Variants in EPHX1 observed in about 807,000 individuals in gnomAD.
The protein encoded by EPHX1 is epoxide hydrolase 1, also known as epoxide hydratase.
Under a neutral mutation model 43.2 loss-of-function variants are expected in EPHX1, and 40 were observed. The ratio of observed to expected loss-of-function variants is 0.93; its 90% confidence interval spans 0.72 to 1.21. The LOEUF (loss-of-function observed/expected upper bound fraction) is 1.21, where lower values mean the gene tolerates loss of function less well. Ranked by LOEUF, EPHX1 falls within the 50% of genes most tolerant of loss-of-function variation. The probability of loss-of-function intolerance (pLI) is 0.00; values close to 1 mark genes in which losing one functional copy is unlikely to be tolerated. For synonymous variants in EPHX1, 221 were observed against 226.7 expected (o/e 0.98, Z 0.22); for missense variants, 550 against 570.4 (o/e 0.96, Z 0.36).
chr1:225,840,097 C>T (rs1052378723), intron 6 of EPHX1, 60 bp downstream of exon 6: 68 of 1,553,768 alleles, frequency 4.4e-5, no homozygotes, highest in East Asian at 1.1e-4. Context: ...GAGACACCCG[C>T]GGGGTAACCT....
intron 5 of EPHX1, 90 bp from the exon 6 acceptor site, chr1:225,839,739 A>G (rs1668234745): frequency 1.4e-6 from 2 of 1,385,094 alleles, no homozygotes; most frequent in Non-Finnish European, 2.1e-6. Context: ...CTCGCTCCTC[A>G]GCCCTGAGGC....
intron 3 of EPHX1, among the ~76,000 whole-genome samples, chr1:225,835,382 C>CCTTTTT (rs1553485501): frequency 6.6e-5 from 6 of 90,974 alleles, no homozygotes; most frequent in African/African-American, 9.5e-5. Context: ...CCACACTAGG[C>CCTTTTT]TTTTTTTTTT....
In EPHX1 at chr1:225,845,546, A is replaced by C; in HGVS notation, c.*199A>C. 6 of 611,780 alleles carry C rather than the reference A, an allele frequency of 9.8e-6. No homozygotes were observed. Among genetic ancestry groups the C allele is most frequent in the Non-Finnish European group, 8.6e-6 (3 of 349,138 alleles). The allele number at this position is 611,780 out of a possible 1,614,324, so 37.9% of individuals were successfully genotyped here. The stretch of plus-strand genomic sequence containing the variant: ...GGTAAGCAACATGGCTTTGATGATA[A>C]ACGACTTTACTCTAAAAGCGGCTGG... On this transcript the variant is annotated 3_prime_UTR_variant, in exon 9 of 9. Coordinates refer to ENST00000272167, the MANE Select transcript of EPHX1 (RefSeq NM_001136018.4).
chr1:225,823,771 C>T (rs1040894468), intron 1 of EPHX1, among the ~76,000 whole-genome samples: 1 of 149,712 alleles, frequency 6.7e-6, no homozygotes, highest in Non-Finnish European at 1.5e-5. Context: ...GTGAGCAGTC[C>T]TTCTCACTCT....
chr1:225,812,337 C>G (rs932310751), intron 1 of EPHX1, among the ~76,000 whole-genome samples: 6 of 152,208 alleles, frequency 3.9e-5, no homozygotes, highest in Admixed American at 6.5e-5. Context: ...ATGCTCTCTG[C>G]GTGATGCCTC....
intron 1 of EPHX1, among the ~76,000 whole-genome samples, chr1:225,824,682 C>CG (rs926599795): frequency 3.0e-4 from 45 of 152,232 alleles, no homozygotes; most frequent in African/African-American, 7.7e-4. Flanking sequence ...ACAAAGCAGA[C>CG]GGGGGGGTGT....
In EPHX1 at chr1:225,839,251, C is replaced by T. The variant is rs753744117; in HGVS notation, c.627C>T (p.Tyr209=). The change falls in exon 5 of 9, where the codon TAC becomes TAT. Residue 209 remains tyrosine, a synonymous_variant. Transcript: ENST00000272167. The part of the protein sequence containing the change: ...FNSVATARIF[Y]KLMLRLGFQE... ...CGGTGGCCACCGCCAGGATCTTTTACAAGCTGATGCTGCGGCTGGGCTTCC... is the reference window on the plus strand; with the variant it reads ...CGGTGGCCACCGCCAGGATCTTTTATAAGCTGATGCTGCGGCTGGGCTTCC... The T allele has an allele frequency of 6.2e-7, 1 of 1,614,170 alleles. No homozygotes were observed. The highest frequency in any genetic ancestry group is 1.1e-5 in the South Asian group (1 of 91,078).
At chr1:225,835,382 C>CCTTTTTT (rs1553485501) in intron 3 of EPHX1, among the ~76,000 whole-genome samples, 4 of 90,980 alleles carry the variant, frequency 4.4e-5, no homozygotes, top group Non-Finnish European at 4.3e-5. Context: ...CCACACTAGG[C>CCTTTTTT]TTTTTTTTTT....
chr1:225,828,759 G>C lies in EPHX1; in HGVS notation c.30G>C (p.Val10=), dbSNP rs200493338. 3 of 1,613,668 alleles carry C rather than the reference G, an allele frequency of 1.9e-6. No individual in the cohort carries two copies. The African/African-American group carries it at 4.0e-5, about 22-fold the overall frequency. ...GGCTAGAAATCCTCCTCACTTCAGT[G>C]CTGGGCTTTGCCATCTACTGGTTCA... The part of the protein sequence containing the change: MWLEILLTS[V]LGFAIYWFIS... Residue 10 remains valine, a synonymous_variant, in exon 2 of 9, where the codon GTG becomes GTC. Transcript: ENST00000272167.
At chr1:225,813,056 G>A (rs1355797175) in intron 1 of EPHX1, among the ~76,000 whole-genome samples, 2 of 152,236 alleles carry the variant, frequency 1.3e-5, no homozygotes, top group Non-Finnish European at 2.9e-5. Flanking sequence ...TAGGCTCAGC[G>A]ATCTGCAGGC....
At chr1:225,838,123 G>T (rs959791308) in intron 3 of EPHX1, among the ~76,000 whole-genome samples, 2 of 152,150 alleles carry the variant, frequency 1.3e-5, no homozygotes, top group African/African-American at 4.8e-5. Flanking sequence ...TTGATCATTT[G>T]CTTTTACCTC....
Position 225,817,752 on chromosome 1 carries a change from A to G in EPHX1, c.-6+7583A>G, listed in dbSNP as rs1029289954. On this transcript the variant is annotated intron_variant, in intron 1 of 8. Transcript: ENST00000272167. The surrounding 1 kb of genome is among the most constrained non-coding windows in gnomAD (Gnocchi z 5.7). ...AGAGCCAGGCCTGCCCAACTGTCGC[A>G]GGGCTGGGTCCACCTCATGGCCTTT... Among the ~76,000 whole-genome samples the G allele has an allele frequency of 6.6e-6, 1 of 152,248 alleles. No individual in the cohort carries two copies. The highest frequency in any genetic ancestry group is 2.4e-5 in the African/African-American group (1 of 41,480).
At chr1:225,844,465 C>G in intron 7 of EPHX1, 33 bp from the exon 8 acceptor site, 1 of 1,608,806 alleles carries the variant, frequency 6.2e-7, no homozygotes, top group African/African-American at 1.3e-5. Context: ...GCATGTGGCA[C>G]TGAGAGTGGG....
intron 2 of EPHX1, among the ~76,000 whole-genome samples, chr1:225,830,569 A>G (rs1009634146): frequency 2.0e-5 from 3 of 152,096 alleles, no homozygotes; most frequent in South Asian, 4.1e-4. Context: ...GGTTCAAGCG[A>G]TTCTCCTGCC....
intron 1 of EPHX1, among the ~76,000 whole-genome samples, chr1:225,814,602 C>CT (rs1224829314): frequency 1.3e-5 from 2 of 152,184 alleles, no homozygotes; most frequent in African/African-American, 4.8e-5. Context: ...CTCTTGAAGG[C>CT]TGTGGGAGGC....
intron 3 of EPHX1, among the ~76,000 whole-genome samples, chr1:225,837,791 A>G (rs4653692): frequency 0.34 from 51,597 of 152,144 alleles, 9,097 homozygotes; most frequent in Middle Eastern, 0.43. Context: ...AAGTGCTGGG[A>G]TTACAGGCGT....
At chr1:225,841,599 G>GT (rs1444283866) in intron 6 of EPHX1, among the ~76,000 whole-genome samples, 1 of 115,438 alleles carries the variant, frequency 8.7e-6, no homozygotes, top group African/African-American at 3.4e-5. Context: ...CACTGTCCCA[G>GT]CCTTTTTTTT....
At chr1:225,842,291 C>A in intron 6 of EPHX1, 75 bp from the exon 7 acceptor site, 1 of 1,136,688 alleles carries the variant, frequency 8.8e-7, no homozygotes, top group Non-Finnish European at 1.3e-6. Context: ...CGGCCAGTGC[C>A]ACACATCACA....
At chr1:225,828,025 T>C (rs999320454) in intron 1 of EPHX1, among the ~76,000 whole-genome samples, 24 of 152,116 alleles carry the variant, frequency 1.6e-4, no homozygotes, top group Non-Finnish European at 2.9e-5. Context: ...CCAGAGGTCA[T>C]GGACAGAAGC....
Sources: allele counts gnomAD v4.1 joint callset (sites outside exome capture counted in the v4.1 genomes callset), GRCh38; gene constraint gnomAD v4.1.1; non-coding constraint Gnocchi (gnomAD v3.1); transcripts MANE v1.5; gene names NCBI Gene and HGNC (gene_info 2026-07-23, HGNC 2026-07-21).